RNF217: variants seen among roughly 807,000 people sequenced by gnomAD.
RNF217 encodes the protein E3 ubiquitin-protein ligase RNF217.
Under a neutral mutation model 57.8 loss-of-function variants are expected in RNF217, and 31 were observed. The ratio of observed to expected loss-of-function variants is 0.54; its 90% CI spans 0.40 to 0.72. The LOEUF (loss-of-function observed/expected upper bound fraction) is 0.72, where lower values mean the gene tolerates loss of function less well. Among genes scored for constraint, RNF217 ranks in the 30% least tolerant of loss-of-function variants. The pLI is 0.00. For synonymous variants in RNF217, 313 were observed against 294.0 expected (o/e 1.06, Z -0.66); for missense variants, 696 against 708.3 (o/e 0.98, Z 0.20).
chr6:124,987,742 C>T (rs1784411540), intron 1 of RNF217, among the ~76,000 whole-genome samples: 1 of 152,050 alleles, frequency 6.6e-6, no homozygotes, highest in Non-Finnish European at 1.5e-5. Flanking sequence ...CGTGGAATAG[C>T]TGGGACTATA....
intron 3 of RNF217, among the ~76,000 whole-genome samples, chr6:125,069,995 C>G (rs543793039): frequency 3.3e-5 from 5 of 152,200 alleles, no homozygotes; most frequent in Admixed American, 3.3e-4. Flanking sequence ...TATGCCTCAT[C>G]CCTTTCCCAC....
intron 1 of RNF217, among the ~76,000 whole-genome samples, chr6:125,021,139 C>T (rs1785819237): frequency 6.6e-6 from 1 of 152,134 alleles, no homozygotes; most frequent in African/African-American, 2.4e-5. Context: ...TTATTCATCC[C>T]ACATTATTTA....
chr6:125,026,383 A>T (rs1786081061), intron 1 of RNF217, among the ~76,000 whole-genome samples: 1 of 152,178 alleles, frequency 6.6e-6, no homozygotes, highest in Admixed American at 6.5e-5. Flanking sequence ...AGGTTAATCA[A>T]TGGAAAATGC....
At chr6:125,072,809 A>G (rs1788199778) in intron 3 of RNF217, among the ~76,000 whole-genome samples, 1 of 151,912 alleles carries the variant, frequency 6.6e-6, no homozygotes, top group Non-Finnish European at 1.5e-5. Flanking sequence ...TTCTGGTGTT[A>G]CCTTTTAAGT....
chr6:125,062,740 C>A (rs891549696), intron 3 of RNF217, among the ~76,000 whole-genome samples: 2 of 152,034 alleles, frequency 1.3e-5, no homozygotes, highest in Non-Finnish European at 2.9e-5. Flanking sequence ...CCATGCCCGG[C>A]TAATTTTTGT....
At chr6:125,016,632 A>G (rs1046708685) in intron 1 of RNF217, among the ~76,000 whole-genome samples, 1 of 151,990 alleles carries the variant, frequency 6.6e-6, no homozygotes, top group Admixed American at 6.6e-5. Flanking sequence ...CTGTGCAGCC[A>G]TAAAAAAAAG....
intron 1 of RNF217, among the ~76,000 whole-genome samples, chr6:125,012,543 A>G (rs1785451392): frequency 6.6e-6 from 1 of 152,146 alleles, no homozygotes; most frequent in Non-Finnish European, 1.5e-5. Context: ...CTCATTGATA[A>G]TGGTGGATTT....
At chr6:125,077,491 A>ATAG (rs1281793840) in intron 4 of RNF217, among the ~76,000 whole-genome samples, 1 of 152,192 alleles carries the variant, frequency 6.6e-6, no homozygotes, top group Non-Finnish European at 1.5e-5. Context: ...TCAACAACAC[A>ATAG]TAGTAGCCTC....
intron 1 of RNF217, among the ~76,000 whole-genome samples, chr6:125,013,514 G>A (rs1785496123): frequency 6.6e-6 from 1 of 150,756 alleles, no homozygotes; most frequent in South Asian, 2.1e-4. Context: ...AGAAGGTCAA[G>A]CAGGTACCAC....
At chr6:125,076,974 G>GAATATCCTCCTCT in intron 4 of RNF217, 116 bp downstream of exon 4, 2 of 876,286 alleles carry the variant, frequency 2.3e-6, no homozygotes, top group Non-Finnish European at 3.7e-6. Flanking sequence ...AGTGTTCAGA[G>GAATATCCTCCTCT]GAGGATATTC....
At chr6:125,001,032 A>C (rs1304159854) in intron 1 of RNF217, among the ~76,000 whole-genome samples, 1 of 152,170 alleles carries the variant, frequency 6.6e-6, no homozygotes, top group East Asian at 1.9e-4. Context: ...TCCAATCACC[A>C]GCTCAAAGAT....
Position 125,071,239 on chromosome 6 carries a change from T to C in RNF217, c.1282-5418T>C, listed in dbSNP as rs186344357. ...CCATGATGTGAAAGTAACATGCGTT[T>C]GGTAGAAACCATATTTCAAATTTTG... On this transcript the variant is annotated intron_variant, in intron 3 of 5. Coordinates refer to ENST00000521654, the MANE Select transcript of RNF217 (RefSeq NM_001286398.3). Among the ~76,000 whole-genome samples the C allele has an allele frequency of 3.0e-4, 46 of 152,322 alleles. No homozygotes were observed. The East Asian group carries it at 8.1e-3, about 27-fold the overall frequency.
intron 1 of RNF217, among the ~76,000 whole-genome samples, chr6:125,013,765 G>A (rs894070419): frequency 1.3e-5 from 2 of 152,138 alleles, no homozygotes; most frequent in Non-Finnish European, 2.9e-5. Context: ...GTGGTAACCA[G>A]AAAGAGCACA....
intron 1 of RNF217, among the ~76,000 whole-genome samples, chr6:124,967,850 CTCACTGCAACCT>C (rs1467953415): frequency 6.6e-6 from 1 of 152,112 alleles, no homozygotes; most frequent in African/African-American, 2.4e-5. Flanking sequence ...TTCATCTTGG[CTCACTGCAACCT>C]TTGCCTCCCG....
At chr6:125,046,676 A>G (rs1469217866) in intron 2 of RNF217, 1 of 455,928 alleles carries the variant, frequency 2.2e-6, no homozygotes, top group Admixed American at 2.4e-5. Flanking sequence ...GTTTCTGGTC[A>G]TGTTCCCTTT....
intron 1 of RNF217, among the ~76,000 whole-genome samples, chr6:124,998,293 C>T (rs900013242): frequency 6.6e-6 from 1 of 152,120 alleles, no homozygotes; most frequent in Non-Finnish European, 1.5e-5. Context: ...TTTCTTCCCT[C>T]AGCTCCTTTC....
intron 1 of RNF217, among the ~76,000 whole-genome samples, chr6:124,984,065 C>G (rs764703037): frequency 1.3e-5 from 2 of 152,142 alleles, no homozygotes; most frequent in Non-Finnish European, 2.9e-5. Context: ...AGCCCCACTT[C>G]TTAATACCAT....
intron 1 of RNF217, among the ~76,000 whole-genome samples, chr6:124,970,088 G>A (rs1412757021): frequency 1.3e-5 from 2 of 152,150 alleles, no homozygotes; most frequent in Non-Finnish European, 2.9e-5. Flanking sequence ...GACAGCAGGA[G>A]GAGTGGGGAA....
intron 1 of RNF217, among the ~76,000 whole-genome samples, chr6:125,012,937 A>C (rs1460296286): frequency 1.3e-5 from 2 of 152,186 alleles, no homozygotes; most frequent in Non-Finnish European, 2.9e-5. Context: ...ATCTTTGAAC[A>C]ACCCAGTCTT....
Sources: gnomAD v4.1 joint callset for allele counts (sites outside exome capture counted in the v4.1 genomes callset) on GRCh38, gnomAD v4.1.1 for gene constraint, MANE v1.5 for transcripts, NCBI Gene and HGNC (gene_info 2026-07-23, HGNC 2026-07-21) for gene names.